Variants in PPOX observed in about 807,000 individuals in gnomAD.
The protein encoded by PPOX is variegate porphyria.
In PPOX, 23 loss-of-function variants were observed where a neutral mutation model predicts 54.1. The ratio of observed to expected loss-of-function variants is 0.43; its 90% CI spans 0.31 to 0.60. The LOEUF is 0.60. Ranked by LOEUF, PPOX falls within the 20% of genes least tolerant of loss-of-function variation. The pLI is 0.13. For missense variants in PPOX, 512 were observed against 601.1 expected (o/e 0.85, Z 1.55); for synonymous variants, 224 against 236.1 (o/e 0.95, Z 0.47).
At chr1:161,173,619 G>C (rs373749788), downstream of PPOX, 1 of 1,614,040 alleles carries the variant, frequency 6.2e-7, no homozygotes, top group East Asian at 2.2e-5. Context: ...TAGCAATGTC[G>C]TCATCCTCAC....
At chr1:161,171,815 G>C, downstream of PPOX, 1 of 1,613,944 alleles carries the variant, frequency 6.2e-7, no homozygotes, top group Non-Finnish European at 8.5e-7. Flanking sequence ...GGAAGGAGGA[G>C]TCAGTGTGAA....
downstream of PPOX, chr1:161,171,623 C>T (rs1661456752): frequency 1.4e-6 from 1 of 714,018 alleles, no homozygotes; most frequent in Non-Finnish European, 2.3e-6. Flanking sequence ...TACAGGAGAC[C>T]CTAGAGAGAG....
At chr1:161,177,136 G>A, downstream of PPOX, 2 of 1,470,544 alleles carry the variant, frequency 1.4e-6, no homozygotes, top group South Asian at 2.5e-5. Flanking sequence ...GAGAGCAGGG[G>A]CAGAGACAGT....
chr1:161,166,628 T>G lies in PPOX; in HGVS notation c.-53T>G. 6.8e-7 allele frequency: 1 copy of G among 1,462,408 alleles called. No homozygotes were observed. 90.6% of individuals were successfully genotyped at this position (1,462,408 alleles called of 1,614,324 possible). ...GCCGGCGGGGTACGGTCTTAGGACCTCGATCTCCTTCTCCCTCATTTTCTC... is the reference window on the plus strand; with the variant it reads ...GCCGGCGGGGTACGGTCTTAGGACCGCGATCTCCTTCTCCCTCATTTTCTC... On this transcript the variant is annotated 5_prime_UTR_variant, in exon 1 of 13. Coordinates refer to ENST00000367999, the MANE Select transcript of PPOX (RefSeq NM_001122764.3).
intron 6 of PPOX, among the ~76,000 whole-genome samples, 163 bp from the exon 7 acceptor site, chr1:161,168,830 T>G (rs1660069401): frequency 6.6e-6 from 1 of 152,120 alleles, no homozygotes; most frequent in Non-Finnish European, 1.5e-5. Context: ...TCCCAGCTAA[T>G]CTTTGTATTT....
Position 161,168,512 on chromosome 1 carries a change from T to C in PPOX, c.552T>C (p.Phe184=). Residue 184 remains phenylalanine, a synonymous_variant, in exon 6 of 13, where the codon TTT becomes TTC. Coordinates refer to ENST00000367999, the MANE Select transcript of PPOX (RefSeq NM_001122764.3). ...GTGAGCTCAGCATCAGGTCCTGCTT[T>C]CCCAGTCTCTTCCAAGCTGAGCAAA... ...NSRELSIRSC[F]PSLFQAEQTH... is the part of the protein sequence containing the mutation. 2 of 1,614,194 alleles carry C rather than the reference T, an allele frequency of 1.2e-6. No individual in the cohort carries two copies. Among genetic ancestry groups the C allele is most frequent in the Non-Finnish European group, 1.7e-6 (2 of 1,180,032 alleles).
downstream of PPOX, among the ~76,000 whole-genome samples, chr1:161,174,708 G>A (rs1036624383): frequency 5.9e-5 from 9 of 152,190 alleles, no homozygotes; most frequent in African/African-American, 2.2e-4. Flanking sequence ...ACAAGTGACG[G>A]AACTAGAATT....
chr1:161,166,612 GT>G lies in PPOX; in HGVS notation c.-68del. ...CTGCACCCAGCAGAGCGCCGGCGGG[GT>G]ACGGTCTTAGGACCTCGATCTCCTT... On this transcript the variant is annotated 5_prime_UTR_variant, in exon 1 of 13. Coordinates refer to ENST00000367999, the MANE Select transcript of PPOX (RefSeq NM_001122764.3). The G allele has an allele frequency of 6.9e-7, 1 of 1,440,592 alleles. No homozygotes were observed. The highest frequency in any genetic ancestry group is 2.5e-5 in the East Asian group (1 of 39,722). 89.2% of individuals were successfully genotyped at this position (1,440,592 alleles called of 1,614,324 possible). A position where few individuals can be genotyped will look rare whatever the true frequency, so the allele number is the denominator to read the frequency against.
chr1:161,169,296 G>C, intron 7 of PPOX, 113 bp downstream of exon 7: 1 of 1,309,036 alleles, frequency 7.6e-7, no homozygotes. Context: ...TTGTGCCTTA[G>C]AAGCTACTTA....
At chr1:161,169,508 C>G (rs1409903857) in intron 7 of PPOX, 152 bp from the exon 8 acceptor site, 1 of 836,386 alleles carries the variant, frequency 1.2e-6, no homozygotes, top group Non-Finnish European at 2.0e-6. Context: ...TTTGTGAAGT[C>G]TACATAGTCA....
In PPOX at chr1:161,167,963, G is replaced by C. The variant is rs774289443; in HGVS notation, c.339-32G>C. 3.1e-6 allele frequency: 5 copies of C among 1,613,776 alleles called. No individual in the cohort carries two copies. The African/African-American group carries it at 5.3e-5, about 17-fold the overall frequency. On this transcript the variant is annotated intron_variant, in intron 4 of 12. Transcript: ENST00000367999. ...CTGGAGCTGGGGAGGTATGTCAGGA[G>C]CTTCCCCCTCACTATGCCTTTCTCC... is the stretch of plus-strand genomic sequence containing the variant.
At chr1:161,167,549 CTTCTT>C in intron 4 of PPOX, 63 bp downstream of exon 4, 9 of 692,968 alleles carry the variant, frequency 1.3e-5, no homozygotes, top group African/African-American at 2.2e-5. Flanking sequence ...CCATTTCTTT[CTTCTT>C]TTCTTTTTTT....
downstream of PPOX, chr1:161,172,355 T>C (rs1449003473): frequency 1.2e-6 from 2 of 1,600,466 alleles, no homozygotes; most frequent in Non-Finnish European, 1.7e-6. Context: ...GAGGGTATCA[T>C]GGGGGATCCA....
upstream of PPOX, chr1:161,166,165 C>T (rs1404572604): frequency 1.0e-6 from 1 of 983,542 alleles, no homozygotes; most frequent in African/African-American, 1.7e-5. Context: ...GTCACCCTAG[C>T]TGGACCTGGT....
chr1:161,166,783 C>T, intron 1 of PPOX, 57 bp from the exon 2 acceptor site: 3 of 1,601,580 alleles, frequency 1.9e-6, no homozygotes, highest in Non-Finnish European at 2.5e-6. Flanking sequence ...ACCGGCGGGG[C>T]TTCTGGAGCG....
intron 8 of PPOX, 39 bp downstream of exon 8, chr1:161,169,759 C>T (rs754513545): frequency 6.2e-7 from 1 of 1,613,618 alleles, no homozygotes; most frequent in South Asian, 1.1e-5. Flanking sequence ...CAACCCCTAC[C>T]AGTGAGAAGC....
rs1292820421 is a variant in PPOX, at chr1:161,168,587, A to G, written c.616+11A>G. On this transcript the variant is annotated intron_variant, in intron 6 of 12. Transcript: ENST00000367999. ...TGCTGCTGGGGGCAGGTGAGGGGGGATTGATTCAGAGGGTGAAAATATTAA... is the reference window on the plus strand; with the variant it reads ...TGCTGCTGGGGGCAGGTGAGGGGGGGTTGATTCAGAGGGTGAAAATATTAA... 1 of 1,613,372 alleles carries G rather than the reference A, an allele frequency of 6.2e-7. No homozygotes were observed.
chr1:161,175,023 C>G (rs770982981), downstream of PPOX: 2 of 1,613,578 alleles, frequency 1.2e-6, no homozygotes, highest in South Asian at 2.2e-5. Flanking sequence ...CATAAGCAAG[C>G]TGCTGGCGCT....
chr1:161,177,137 C>A, downstream of PPOX: 1 of 1,456,966 alleles, frequency 6.9e-7, no homozygotes, highest in Non-Finnish European at 9.2e-7. Flanking sequence ...AGAGCAGGGG[C>A]AGAGACAGTC....
Sources: allele counts gnomAD v4.1 joint callset (sites outside exome capture counted in the v4.1 genomes callset), GRCh38; gene constraint gnomAD v4.1.1; transcripts MANE v1.5; gene names NCBI Gene and HGNC (gene_info 2026-07-23, HGNC 2026-07-21).